Variants in PCDHGA10 observed in about 807,000 individuals in gnomAD.
The protein encoded by PCDHGA10 is protocadherin gamma-A10.
PCDHGA10 carries 42 observed loss-of-function variants against 59.5 expected under a neutral mutation model. The ratio of observed to expected loss-of-function variants is 0.71; its 90% CI spans 0.55 to 0.91. The LOEUF (loss-of-function observed/expected upper bound fraction) is 0.91. PCDHGA10 is among the 40% of genes least tolerant of loss of function. PCDHGA10 has a pLI of 0.00. For missense variants in PCDHGA10, 1,111 were observed against 1,198.2 expected, an observed-to-expected ratio of 0.93 and a Z score of 1.07; for synonymous variants, 511 against 517.2, an observed-to-expected ratio of 0.99 and a Z score of 0.16.
intron 1 of PCDHGA10, among the ~76,000 whole-genome samples, chr5:141,448,169 A>C (rs1418273084): frequency 6.6e-6 from 1 of 152,014 alleles, no homozygotes; most frequent in Non-Finnish European, 1.5e-5. Flanking sequence ...GATCACTACT[A>C]TTCATCCCTG....
chr5:141,431,460 A>T lies in PCDHGA10; in HGVS notation c.2436+15849A>T, dbSNP rs761879594. On this transcript the variant is annotated intron_variant, in intron 1 of 3. Transcript: ENST00000398610. This position sits in a 1 kb window ranked among gnomAD's most constrained non-coding sequence, Gnocchi z 4.8. The stretch of plus-strand genomic sequence containing the variant: ...GCGCGCATCCGCGTGATGGTTCTGG[A>T]TGCGAACGACAACGCACCAGCGTTT... The T allele has an allele frequency of 6.2e-7, 1 of 1,613,794 alleles. No individual in the cohort carries two copies. The highest frequency in any genetic ancestry group is 1.7e-5 in the Admixed American group (1 of 60,032).
chr5:141,469,511 G>A (rs2099203340), intron 1 of PCDHGA10, among the ~76,000 whole-genome samples: 1 of 152,038 alleles, frequency 6.6e-6, no homozygotes, highest in African/African-American at 2.4e-5. Flanking sequence ...GGAGGTGGAG[G>A]TTGCAGTGAG....
At position 141,491,023 on chromosome 5, in the gene PCDHGA10, G is replaced by A. The variant is rs773185039; in HGVS notation, c.2437-3784G>A. 17 of 1,613,990 alleles carry A rather than the reference G, an allele frequency of 1.1e-5. No individual in the cohort carries two copies. Among genetic ancestry groups the A allele is most frequent in the Admixed American group, 5.0e-5 (3 of 60,008 alleles). ...CTCCTTGGTCACCAAGGTGACAGCC[G>A]TGGATGCTGATGCAGGCCACAATGC... On this transcript the variant is annotated intron_variant, in intron 1 of 3. Coordinates refer to ENST00000398610, the MANE Select transcript of PCDHGA10 (RefSeq NM_018913.3). The surrounding 1 kb of genome is among the most constrained non-coding windows in gnomAD (Gnocchi z 6.9).
chr5:141,433,358 C>CCTATCTATCTATCTATCTAT (rs3074541), intron 1 of PCDHGA10: 39 of 504,044 alleles, frequency 7.7e-5, no homozygotes, highest in Admixed American at 1.8e-4. Context: ...CTACTGTCTG[C>CCTATCTATCTATCTATCTAT]CTATCTATCT....
chr5:141,487,533 T>C lies in PCDHGA10; in HGVS notation c.2437-7274T>C. On this transcript the variant is annotated intron_variant, in intron 1 of 3. Coordinates refer to ENST00000398610, the MANE Select transcript of PCDHGA10 (RefSeq NM_018913.3). This position sits in a 1 kb window ranked among gnomAD's most constrained non-coding sequence, Gnocchi z 5.0. The stretch of plus-strand genomic sequence containing the variant: ...CCCACTCGGAGTGATAGCTTCATGA[T>C]GGTGAAGTCACCCAGTGCACCTATG... 6.2e-7 allele frequency: 1 copy of C among 1,614,186 alleles called. No individual in the cohort carries two copies. Among genetic ancestry groups the C allele is most frequent in the South Asian group, 1.1e-5 (1 of 91,080 alleles).
Position 141,460,747 on chromosome 5 carries a change from G to A in PCDHGA10, c.2437-34060G>A, listed in dbSNP as rs148154304. On this transcript the variant is annotated intron_variant, in intron 1 of 3. Transcript: ENST00000398610. ...GCATATATACACATTGTATATATAT[G>A]TGTACATATACATATTGCATATGTA... Among the ~76,000 whole-genome samples, 351 of 151,000 alleles carry A rather than the reference G, an allele frequency of 2.3e-3. 2 individuals are homozygous for A. The highest frequency in any genetic ancestry group is 6.8e-3 in the Middle Eastern group (2 of 294).
At chr5:141,444,752 T>C (rs1376810825) in intron 1 of PCDHGA10, among the ~76,000 whole-genome samples, 2 of 152,228 alleles carry the variant, frequency 1.3e-5, no homozygotes, top group Non-Finnish European at 2.9e-5. Context: ...CTGATATATG[T>C]AGTTCTATTT....
intron 1 of PCDHGA10, among the ~76,000 whole-genome samples, chr5:141,439,024 T>C (rs1278127532): frequency 2.0e-5 from 3 of 151,510 alleles, no homozygotes; most frequent in African/African-American, 7.3e-5. Flanking sequence ...ATTTTGAAAA[T>C]AGATGCCTCA....
At position 141,494,925 on chromosome 5, in the gene PCDHGA10, G is replaced by A. The variant is rs936071950; in HGVS notation, c.2495+60G>A. On this transcript the variant is annotated intron_variant, in intron 2 of 3. Coordinates refer to ENST00000398610, the MANE Select transcript of PCDHGA10 (RefSeq NM_018913.3). ...TGCGGCATTTTCTCAGGGATGACGT[G>A]GGAGGAGATGGGGGAGGGCCCAGCA... is the stretch of plus-strand genomic sequence containing the variant. The A allele has an allele frequency of 3.3e-4, 525 of 1,613,316 alleles. 2 individuals carry two copies. Among genetic ancestry groups the A allele is most frequent in the Admixed American group, 4.7e-4 (28 of 59,956 alleles).
At chr5:141,507,132 C>T (rs748716107) in intron 3 of PCDHGA10, 2 of 152,188 alleles carry the variant, frequency 1.3e-5, no homozygotes, top group African/African-American at 2.4e-5. Flanking sequence ...GATCCAGCCT[C>T]GGCTTCTCTA....
chr5:141,444,897 G>T (rs1445334623), intron 1 of PCDHGA10, among the ~76,000 whole-genome samples: 1 of 152,274 alleles, frequency 6.6e-6, no homozygotes, highest in African/African-American at 2.4e-5. Flanking sequence ...GAATGGGATG[G>T]CATTGCATCT....
At position 141,431,580 on chromosome 5, in the gene PCDHGA10, A is replaced by G. The variant is rs777990962; in HGVS notation, c.2436+15969A>G. ...GCTACCGACCCTGACGAAGGAGTCA[A>G]TGCGGAAGTGAGGTATTCCTTCCGG... On this transcript the variant is annotated intron_variant, in intron 1 of 3. Coordinates refer to ENST00000398610, the MANE Select transcript of PCDHGA10 (RefSeq NM_018913.3). The surrounding 1 kb of genome is among the most constrained non-coding windows in gnomAD (Gnocchi z 4.8). 1.2e-5 allele frequency: 19 copies of G among 1,614,098 alleles called. No homozygotes were observed. Among genetic ancestry groups the G allele is most frequent in the Non-Finnish European group, 1.5e-5 (18 of 1,180,040 alleles).
chr5:141,478,799 CTT>C, intron 1 of PCDHGA10: 1 of 1,463,738 alleles, frequency 6.8e-7, no homozygotes, highest in Non-Finnish European at 9.0e-7. Flanking sequence ...CCTCAGCACT[CTT>C]TTGCTATCAC....
chr5:141,415,648 A>G (rs1403877896), intron 1 of PCDHGA10, 37 bp downstream of exon 1: 1 of 1,598,772 alleles, frequency 6.3e-7, no homozygotes, highest in African/African-American at 1.4e-5. Flanking sequence ...TGTTAAAAAA[A>G]AAAAGATTGG....
chr5:141,422,150 T>C (rs773805631), intron 1 of PCDHGA10: 23 of 1,577,056 alleles, frequency 1.5e-5, no homozygotes, highest in Non-Finnish European at 1.8e-5. Context: ...CGGGGGTCTC[T>C]GGATTTTGAA....
At chr5:141,455,583 A>G (rs1485134189) in intron 1 of PCDHGA10, among the ~76,000 whole-genome samples, 4 of 152,144 alleles carry the variant, frequency 2.6e-5, no homozygotes, top group Non-Finnish European at 2.9e-5. Context: ...CCAGCCTTTT[A>G]ATATGCAAAC....
chr5:141,429,765 T>C (rs897963458), intron 1 of PCDHGA10, among the ~76,000 whole-genome samples: 1 of 152,230 alleles, frequency 6.6e-6, no homozygotes, highest in East Asian at 1.9e-4. Flanking sequence ...TTTCCCTATA[T>C]TTTGATGGGC....
intron 1 of PCDHGA10, chr5:141,478,484 C>A (rs376021397): frequency 1.2e-5 from 20 of 1,613,340 alleles, no homozygotes; most frequent in Non-Finnish European, 1.4e-5. Context: ...GAACACGCTG[C>A]GGAGCTGTGA....
chr5:141,426,465 T>C, intron 1 of PCDHGA10: 1 of 315,366 alleles, frequency 3.2e-6, no homozygotes, highest in African/African-American at 2.2e-5. Context: ...ATGTTCAGGA[T>C]TTATTGACCT....
Sources: gnomAD v4.1 joint callset for allele counts (sites outside exome capture counted in the v4.1 genomes callset) on GRCh38, gnomAD v4.1.1 for gene constraint, Gnocchi (gnomAD v3.1) non-coding constraint, MANE v1.5 for transcripts, NCBI Gene and HGNC (gene_info 2026-07-23, HGNC 2026-07-21) for gene names.